Variants in OPCML observed in about 807,000 individuals in gnomAD.
The protein encoded by OPCML is opioid-binding protein/cell adhesion molecule.
In OPCML, 13 loss-of-function variants were observed where a neutral mutation model predicts 37.8. The observed-to-expected ratio is 0.34, with a 90% CI of 0.22 to 0.55. The LOEUF is 0.55. Ranked by LOEUF, OPCML falls within the 20% of genes least tolerant of loss-of-function variation. OPCML has a pLI of 0.91. For synonymous variants in OPCML, 176 were observed against 168.8 expected (o/e 1.04, Z -0.33); for missense variants, 341 against 435.6 (o/e 0.78, Z 1.93).
intron 1 of OPCML, among the ~76,000 whole-genome samples, chr11:133,118,598 A>G (rs756229423): frequency 1.6e-4 from 24 of 152,002 alleles, no homozygotes; most frequent in Non-Finnish European, 2.6e-4. Flanking sequence ...ATGTATGGCC[A>G]TCTGCCTTCA....
chr11:133,486,344 G>A (rs1446456298), intron 1 of OPCML, among the ~76,000 whole-genome samples: 1 of 152,160 alleles, frequency 6.6e-6, no homozygotes, highest in African/African-American at 2.4e-5. Context: ...CTCTGGTGAA[G>A]GTCACCAATT....
At chr11:133,427,795 G>A (rs1946033498) in intron 1 of OPCML, among the ~76,000 whole-genome samples, 2 of 151,924 alleles carry the variant, frequency 1.3e-5, no homozygotes, top group African/African-American at 2.4e-5. Flanking sequence ...AAGTTTTGGG[G>A]CTTTGGAACC....
chr11:133,042,881 G>T (rs1465902628), intron 1 of OPCML, among the ~76,000 whole-genome samples: 1 of 152,030 alleles, frequency 6.6e-6, no homozygotes, highest in Non-Finnish European at 1.5e-5. Context: ...TCTATTTTTG[G>T]CATCAACCTG....
intron 1 of OPCML, among the ~76,000 whole-genome samples, chr11:133,188,719 T>A (rs1476053967): frequency 6.6e-6 from 1 of 152,210 alleles, no homozygotes; most frequent in Admixed American, 6.5e-5. Flanking sequence ...ATTCTATTTT[T>A]AACTATAGGT....
intron 1 of OPCML, among the ~76,000 whole-genome samples, chr11:133,165,755 G>A (rs1252674683): frequency 6.6e-6 from 1 of 152,074 alleles, no homozygotes; most frequent in Non-Finnish European, 1.5e-5. Context: ...TCCTCCCCAG[G>A]CTCTTGATTA....
At chr11:132,797,127 C>T (rs1045399166) in intron 2 of OPCML, among the ~76,000 whole-genome samples, 1 of 152,090 alleles carries the variant, frequency 6.6e-6, no homozygotes, top group East Asian at 1.9e-4. Flanking sequence ...ATCCAACTTA[C>T]CTTTTTCTTT....
chr11:132,529,052 G>C lies in OPCML; in HGVS notation c.505+9C>G, dbSNP rs1169906278. 1 of 1,592,752 alleles carries C rather than the reference G, an allele frequency of 6.3e-7. No individual in the cohort carries two copies. The highest frequency in any genetic ancestry group is 1.7e-5 in the Admixed American group (1 of 59,776). On this transcript the variant is annotated intron_variant, in intron 4 of 7. Coordinates refer to ENST00000524381, the MANE Select transcript of OPCML (RefSeq NM_001012393.5). ...ACCTCTGAAAACGTCCTCCAGGTCA[G>C]CACCTTACCCTTGACTGACAGGTGT...
At chr11:133,182,533 G>A (rs1937882982) in intron 1 of OPCML, among the ~76,000 whole-genome samples, 3 of 152,164 alleles carry the variant, frequency 2.0e-5, no homozygotes, top group Admixed American at 6.5e-5. Context: ...CAGCCGCCTG[G>A]ATGCTCCACT....
chr11:133,342,605 A>T (rs903282265), intron 1 of OPCML, among the ~76,000 whole-genome samples: 4 of 152,152 alleles, frequency 2.6e-5, no homozygotes, highest in African/African-American at 9.7e-5. Flanking sequence ...GTTGGGTGGA[A>T]TATGTGTGAC....
intron 4 of OPCML, among the ~76,000 whole-genome samples, chr11:132,493,334 G>T (rs1462446464): frequency 2.6e-5 from 4 of 152,200 alleles, no homozygotes; most frequent in African/African-American, 9.6e-5. Context: ...GAAAGCTGCT[G>T]AGATGCTCTT....
intron 4 of OPCML, among the ~76,000 whole-genome samples, chr11:132,452,645 C>A (rs1225159331): frequency 6.6e-6 from 1 of 152,032 alleles, no homozygotes; most frequent in Non-Finnish European, 1.5e-5. Context: ...TCCTTCTTCA[C>A]CTCCTTTTTT....
intron 1 of OPCML, among the ~76,000 whole-genome samples, chr11:133,051,872 A>C (rs2136967307): frequency 6.6e-6 from 1 of 152,310 alleles, no homozygotes; most frequent in East Asian, 1.9e-4. Context: ...CAGGCACTTC[A>C]GTATCAGAAG....
chr11:133,352,956 T>TA (rs1463530035), intron 1 of OPCML, among the ~76,000 whole-genome samples: 2 of 152,224 alleles, frequency 1.3e-5, no homozygotes, highest in African/African-American at 2.4e-5. Flanking sequence ...ACCATGGAGA[T>TA]AATGATACAT....
intron 1 of OPCML, among the ~76,000 whole-genome samples, chr11:133,528,243 T>C (rs1006000168): frequency 2.0e-5 from 3 of 152,238 alleles, no homozygotes; most frequent in African/African-American, 7.2e-5. Context: ...GCACCTGCTA[T>C]TGCCACTGGG....
intron 1 of OPCML, among the ~76,000 whole-genome samples, chr11:133,527,891 G>A (rs77422754): frequency 0.031 from 4,767 of 152,256 alleles, 93 homozygotes; most frequent in South Asian, 0.061. Flanking sequence ...AAAGGGAAGT[G>A]CACTCAGCCC....
intron 2 of OPCML, among the ~76,000 whole-genome samples, chr11:132,663,814 G>T (rs190145962): frequency 1.3e-5 from 2 of 151,708 alleles, no homozygotes; most frequent in African/African-American, 4.9e-5. Flanking sequence ...ATTTAATGTT[G>T]TTTTTTTTGT....
chr11:133,021,503 C>T (rs748876786), intron 1 of OPCML, among the ~76,000 whole-genome samples: 8 of 152,052 alleles, frequency 5.3e-5, no homozygotes, highest in Non-Finnish European at 1.2e-4. Context: ...GCTTTCTCAA[C>T]GGCAATGAGC....
intron 1 of OPCML, among the ~76,000 whole-genome samples, chr11:133,289,609 A>G (rs1942414259): frequency 6.6e-6 from 1 of 151,792 alleles, no homozygotes; most frequent in Non-Finnish European, 1.5e-5. Context: ...AAAAAAAAAA[A>G]AAAAAAAAAT....
At chr11:133,384,711 C>T (rs560821994) in intron 1 of OPCML, among the ~76,000 whole-genome samples, 162 of 152,330 alleles carry the variant, frequency 1.1e-3, no homozygotes, top group African/African-American at 3.8e-3. Context: ...GGCTGGAGAC[C>T]AGCCTCAATA....
Sources: allele counts gnomAD v4.1 joint callset (sites outside exome capture counted in the v4.1 genomes callset), GRCh38; gene constraint gnomAD v4.1.1; transcripts MANE v1.5; gene names NCBI Gene and HGNC (gene_info 2026-07-23, HGNC 2026-07-21).